The following PRKG1 variants were observed in gnomAD, a reference collection of about 807,000 sequenced individuals.
The protein encoded by PRKG1 is protein kinase cGMP-dependent 1, also known as cGMP-dependent protein kinase 1.
Under a neutral mutation model 88.1 loss-of-function variants are expected in PRKG1, and 35 were observed. That is an observed-to-expected ratio of 0.40 (90% CI 0.30 to 0.53). The LOEUF is 0.53. Among genes scored for constraint, PRKG1 ranks in the 20% least tolerant of loss-of-function variants. The pLI, the probability that PRKG1 is intolerant of heterozygous loss-of-function variation, is 0.59. For synonymous variants in PRKG1, 303 were observed against 292.5 expected (o/e 1.04, Z -0.37); for missense variants, 540 against 839.8 (o/e 0.64, Z 4.41).
At position 51,408,480 on chromosome 10, in the gene PRKG1, C is replaced by T. The variant is rs142494218; in HGVS notation, c.479-59243C>T. Reference sequence around the variant, plus strand: ...CTTGGCAGAAGCATTGCATGTAGGACAGGCAAACCCATGCCTGGAGTAAGT... The same window carrying T: ...CTTGGCAGAAGCATTGCATGTAGGATAGGCAAACCCATGCCTGGAGTAAGT... On this transcript the variant is annotated intron_variant, in intron 2 of 17. Coordinates refer to ENST00000373980, the MANE Select transcript of PRKG1 (RefSeq NM_006258.4). 1.9e-3 allele frequency among the ~76,000 whole-genome samples: 297 copies of T among 152,320 alleles called. 3 individuals are homozygous for T. In the East Asian group the frequency reaches 0.026, roughly 13 times the overall value.
chr10:50,995,985 A>G (rs1842833014), intron 1 of PRKG1, among the ~76,000 whole-genome samples: 1 of 152,252 alleles, frequency 6.6e-6, no homozygotes, highest in Admixed American at 6.5e-5. Flanking sequence ...CCTTAGGACG[A>G]AATCAAGGAG....
chr10:51,428,687 G>T (rs974774816), intron 2 of PRKG1, among the ~76,000 whole-genome samples: 1 of 152,110 alleles, frequency 6.6e-6, no homozygotes, highest in African/African-American at 2.4e-5. Context: ...CCAGGAAAGG[G>T]CATACTGTGA....
chr10:51,215,240 A>G (rs186592258), intron 2 of PRKG1, among the ~76,000 whole-genome samples: 90 of 152,342 alleles, frequency 5.9e-4, no homozygotes, highest in African/African-American at 2.1e-3. Context: ...GTCATGTTTG[A>G]AGAAAGAATC....
intron 3 of PRKG1, among the ~76,000 whole-genome samples, chr10:51,492,981 T>C (rs981510051): frequency 6.6e-6 from 1 of 152,130 alleles, no homozygotes; most frequent in African/African-American, 2.4e-5. Flanking sequence ...GAACCAGTAA[T>C]TAGTCTGTTT....
chr10:51,424,396 A>G (rs1838511578), intron 2 of PRKG1, among the ~76,000 whole-genome samples: 1 of 152,136 alleles, frequency 6.6e-6, no homozygotes, highest in Admixed American at 6.5e-5. Context: ...AATTTGAAAG[A>G]AAAATTCTTT....
Position 51,340,232 on chromosome 10 carries a change from C to T in PRKG1, c.479-127491C>T, listed in dbSNP as rs1032809344. On this transcript the variant is annotated intron_variant, in intron 2 of 17. Coordinates refer to ENST00000373980, the MANE Select transcript of PRKG1 (RefSeq NM_006258.4). ...GAAATTCTAAAGAAAAGAAACCTAT[C>T]GCTCTGATATTTTCCATTGATAGCT... Among the ~76,000 whole-genome samples, 7 of 152,096 alleles carry T rather than the reference C, an allele frequency of 4.6e-5. No homozygotes were observed. In the South Asian group the frequency reaches 8.3e-4, roughly 18 times the overall value.
At chr10:51,789,840 T>C (rs1293605910) in intron 3 of PRKG1, among the ~76,000 whole-genome samples, 3 of 151,968 alleles carry the variant, frequency 2.0e-5, no homozygotes, top group African/African-American at 7.3e-5. Flanking sequence ...CTTTTTTTTT[T>C]AGATGGAGTC....
intron 4 of PRKG1, among the ~76,000 whole-genome samples, chr10:51,895,004 T>C (rs548244145): frequency 1.3e-5 from 2 of 152,300 alleles, no homozygotes; most frequent in South Asian, 2.1e-4. Context: ...CTGATGAGAA[T>C]AGAACTCTTG....
At chr10:52,234,353 G>T (rs999616489) in intron 9 of PRKG1, among the ~76,000 whole-genome samples, 2 of 152,118 alleles carry the variant, frequency 1.3e-5, no homozygotes, top group Admixed American at 1.3e-4. Flanking sequence ...GGCTTCAGAC[G>T]ATCAAATTAC....
chr10:51,852,898 T>TA (rs894334279), intron 4 of PRKG1, among the ~76,000 whole-genome samples: 1 of 152,198 alleles, frequency 6.6e-6, no homozygotes, highest in African/African-American at 2.4e-5. Context: ...TGAGTTTTTA[T>TA]AAAATAGTTT....
At chr10:52,120,530 G>A (rs1847796046) in intron 7 of PRKG1, among the ~76,000 whole-genome samples, 7 of 152,090 alleles carry the variant, frequency 4.6e-5, no homozygotes. Flanking sequence ...TACAATGGTG[G>A]GGCAGGCATA....
chr10:51,424,842 A>T (rs1484168496), intron 2 of PRKG1, among the ~76,000 whole-genome samples: 2 of 152,158 alleles, frequency 1.3e-5, no homozygotes, highest in Non-Finnish European at 2.9e-5. Flanking sequence ...CCCTCTTTTA[A>T]TACCCCAGAA....
intron 4 of PRKG1, among the ~76,000 whole-genome samples, chr10:51,889,669 C>T (rs922342753): frequency 6.6e-6 from 1 of 152,308 alleles, no homozygotes; most frequent in African/African-American, 2.4e-5. Flanking sequence ...TTTACAGTCC[C>T]ACCAACAGTG....
In PRKG1 at chr10:51,040,325, T is replaced by C. The variant is rs1338058831; in HGVS notation, c.266+48681T>C. Among the ~76,000 whole-genome samples the C allele has an allele frequency of 2.2e-5, 3 of 134,502 alleles. No individual in the cohort carries two copies. The East Asian group carries it at 6.3e-4, about 28-fold the overall frequency. 88.2% of individuals were successfully genotyped at this position (134,502 alleles called of 152,430 possible). Reference sequence around the variant, plus strand: ...TTTCTTTTTCTCTTTTTTTTTTTTTTTTTTTTTTTTTGAGATGGCGTCTTG... The same window carrying C: ...TTTCTTTTTCTCTTTTTTTTTTTTTCTTTTTTTTTTTGAGATGGCGTCTTG... On this transcript the variant is annotated intron_variant, in intron 1 of 17. Coordinates refer to the PRKG1 transcript ENST00000401604.
chr10:52,266,903 T>C (rs1304170963), intron 10 of PRKG1, among the ~76,000 whole-genome samples: 1 of 152,070 alleles, frequency 6.6e-6, no homozygotes, highest in Non-Finnish European at 1.5e-5. Flanking sequence ...AAGACAAATC[T>C]GAGGAACATG....
chr10:51,208,642 G>T (rs964326145), intron 2 of PRKG1, among the ~76,000 whole-genome samples: 1 of 152,128 alleles, frequency 6.6e-6, no homozygotes, highest in Non-Finnish European at 1.5e-5. Context: ...ATTTGAGAAG[G>T]TACCAAAAAG....
At chr10:51,351,713 A>T (rs1277607013) in intron 2 of PRKG1, among the ~76,000 whole-genome samples, 1 of 151,992 alleles carries the variant, frequency 6.6e-6, no homozygotes, top group Non-Finnish European at 1.5e-5. Flanking sequence ...CTCTGATGAT[A>T]GTTTCTTTTG....
chr10:51,195,094 C>T (rs774641229), intron 2 of PRKG1, among the ~76,000 whole-genome samples: 3 of 152,208 alleles, frequency 2.0e-5, no homozygotes, highest in African/African-American at 7.2e-5. Flanking sequence ...GCAGGAAACA[C>T]ATAGCCTTCA....
At chr10:51,538,558 C>T (rs376646472) in intron 3 of PRKG1, among the ~76,000 whole-genome samples, 1 of 136,280 alleles carries the variant, frequency 7.3e-6, no homozygotes, top group Non-Finnish European at 1.6e-5. Flanking sequence ...TTTAAATTAA[C>T]GGGCTGTTAT....
Sources: gnomAD v4.1 joint callset for allele counts (sites outside exome capture counted in the v4.1 genomes callset) on GRCh38, gnomAD v4.1.1 for gene constraint, MANE v1.5 for transcripts, NCBI Gene and HGNC (gene_info 2026-07-23, HGNC 2026-07-21) for gene names.